The following ZMYM4 variants were observed in gnomAD, a reference collection of about 807,000 sequenced individuals.
ZMYM4 encodes the protein zinc finger MYM-type containing 4, also known as zinc finger MYM-type protein 4.
A neutral mutation model predicts 183.2 loss-of-function variants in ZMYM4; 31 were observed. The ratio of observed to expected loss-of-function variants is 0.17; its 90% CI spans 0.13 to 0.23. The LOEUF is 0.23. ZMYM4 is among the 10% of genes least tolerant of loss of function. ZMYM4 has a pLI of 1.00. For synonymous variants in ZMYM4, 592 were observed against 631.2 expected, an observed-to-expected ratio of 0.94 and a Z score of 0.93; for missense variants, 1,273 against 1,840.3, an observed-to-expected ratio of 0.69 and a Z score of 5.64.
chr1:35,282,100 T>A (rs1434870458), intron 1 of ZMYM4, among the ~76,000 whole-genome samples: 2 of 152,190 alleles, frequency 1.3e-5, no homozygotes, highest in Non-Finnish European at 2.9e-5. Flanking sequence ...GCTATAAACA[T>A]TGGTATGTAA....
intron 2 of ZMYM4, among the ~76,000 whole-genome samples, chr1:35,335,768 A>C (rs966488556): frequency 1.6e-4 from 25 of 152,070 alleles, no homozygotes; most frequent in African/African-American, 6.0e-4. Flanking sequence ...CCTAGCTAAC[A>C]CGGTGAAACT....
intron 1 of ZMYM4, among the ~76,000 whole-genome samples, chr1:35,316,463 C>T (rs1422301421): frequency 6.6e-6 from 1 of 152,204 alleles, no homozygotes; most frequent in Non-Finnish European, 1.5e-5. Context: ...AACTTCAGTG[C>T]TAGCTCTTGT....
Position 35,399,512 on chromosome 1 carries a change from G to C in ZMYM4, c.3464G>C (p.Gly1155Ala), listed in dbSNP as rs1468194609. 1 of 1,613,982 alleles carries C rather than the reference G, an allele frequency of 6.2e-7. No individual in the cohort carries two copies. The highest frequency in any genetic ancestry group is 1.1e-5 in the South Asian group (1 of 91,066). The stretch of plus-strand genomic sequence containing the variant: ...TTTGACCCACTTAATAAAGGACAGG[G>C]AATCCAGGCACGTTCCCGAACAAGA... The part of the protein sequence containing the change: ...DSFDPLNKGQ[G>A]IQARSRTRRR... The change falls in exon 23 of 30, where the codon GGA becomes GCA. Residue 1155 changes from glycine (G) to alanine (A), a missense_variant. Physicochemically the swap from Gly to Ala is moderately conservative, Grantham distance 60 (BLOSUM62 0). Coordinates refer to ENST00000314607, the MANE Select transcript of ZMYM4 (RefSeq NM_005095.3).
At chr1:35,331,928 G>T (rs1558017841) in intron 2 of ZMYM4, among the ~76,000 whole-genome samples, 1 of 150,924 alleles carries the variant, frequency 6.6e-6, no homozygotes, top group Non-Finnish European at 1.5e-5. Context: ...ATAAGAGGGT[G>T]GTAAAAGTAT....
At chr1:35,271,708 G>C (rs2148661829) in intron 1 of ZMYM4, among the ~76,000 whole-genome samples, 1 of 152,330 alleles carries the variant, frequency 6.6e-6, no homozygotes, top group South Asian at 2.1e-4. Flanking sequence ...TGGCCCAAAA[G>C]TTAATTTTAT....
At chr1:35,296,385 T>C (rs1388947618) in intron 1 of ZMYM4, among the ~76,000 whole-genome samples, 1 of 152,230 alleles carries the variant, frequency 6.6e-6, no homozygotes, top group Non-Finnish European at 1.5e-5. Context: ...AGCTAACATA[T>C]TCAATTCAGA....
At chr1:35,313,215 A>G (rs1242808753) in intron 1 of ZMYM4, among the ~76,000 whole-genome samples, 1 of 151,626 alleles carries the variant, frequency 6.6e-6, no homozygotes, top group Admixed American at 6.6e-5. Context: ...TTTTATTATT[A>G]TTAGGTACGG....
In ZMYM4 at chr1:35,389,210, T is replaced by C; in HGVS notation, c.2436+128T>C. 1.1e-6 allele frequency: 1 copy of C among 872,748 alleles called. No homozygotes were observed. The highest frequency in any genetic ancestry group is 1.7e-6 in the Non-Finnish European group (1 of 603,124). The allele number at this position is 872,748 out of a possible 1,614,324, so 54.1% of individuals were successfully genotyped here. On this transcript the variant is annotated intron_variant, in intron 14 of 29. Coordinates refer to ENST00000314607, the MANE Select transcript of ZMYM4 (RefSeq NM_005095.3). The surrounding 1 kb of genome is among the most constrained non-coding windows in gnomAD (Gnocchi z 4.0). ...TAAGTATTAAATGTTTTATGCCTTCTAGCAATTAATATAAGATTTAGAAAG... is the reference window on the plus strand; with the variant it reads ...TAAGTATTAAATGTTTTATGCCTTCCAGCAATTAATATAAGATTTAGAAAG...
chr1:35,309,373 A>C (rs1641689793), intron 1 of ZMYM4, among the ~76,000 whole-genome samples: 1 of 152,216 alleles, frequency 6.6e-6, no homozygotes, highest in Non-Finnish European at 1.5e-5. Context: ...TTGTCCTTTA[A>C]ATTGTGCTGG....
intron 3 of ZMYM4, among the ~76,000 whole-genome samples, chr1:35,360,810 TAG>T (rs1643918617): frequency 6.6e-6 from 1 of 152,012 alleles, no homozygotes; most frequent in African/African-American, 2.4e-5. Flanking sequence ...GAAGGTTTTA[TAG>T]AGGAGAGGTG....
intron 2 of ZMYM4, among the ~76,000 whole-genome samples, chr1:35,341,357 T>G (rs1156328533): frequency 6.6e-6 from 1 of 152,142 alleles, no homozygotes; most frequent in Non-Finnish European, 1.5e-5. Context: ...TTTTATTATG[T>G]ATTTGTTCTT....
intron 2 of ZMYM4, among the ~76,000 whole-genome samples, chr1:35,327,223 C>T (rs1259389437): frequency 6.6e-6 from 1 of 152,178 alleles, no homozygotes; most frequent in Non-Finnish European, 1.5e-5. Context: ...AGAGGACCTG[C>T]TGTACTATAA....
chr1:35,380,277 C>T (rs1377191463), intron 7 of ZMYM4, among the ~76,000 whole-genome samples: 2 of 151,796 alleles, frequency 1.3e-5, no homozygotes, highest in African/African-American at 4.8e-5. Flanking sequence ...AAAATTTCAC[C>T]AGTTTGAAAA....
At chr1:35,341,118 ATATT>A (rs1401195928) in intron 2 of ZMYM4, among the ~76,000 whole-genome samples, 3 of 151,400 alleles carry the variant, frequency 2.0e-5, no homozygotes, top group African/African-American at 4.9e-5. Context: ...TATTATTTGT[ATATT>A]TATTTGAAGG....
chr1:35,303,112 A>T (rs921468832), intron 1 of ZMYM4, among the ~76,000 whole-genome samples: 2 of 151,310 alleles, frequency 1.3e-5, no homozygotes, highest in Admixed American at 1.3e-4. Flanking sequence ...AAAAAAACAA[A>T]AAAACCTTGT....
chr1:35,359,709 C>A (rs1643895821), intron 3 of ZMYM4, among the ~76,000 whole-genome samples: 1 of 152,078 alleles, frequency 6.6e-6, no homozygotes, highest in Admixed American at 6.6e-5. Flanking sequence ...AGGCAAGATA[C>A]TTGAATCACC....
chr1:35,361,023 A>G (rs1643925270), intron 3 of ZMYM4, among the ~76,000 whole-genome samples, 171 bp from the exon 4 acceptor site: 1 of 151,786 alleles, frequency 6.6e-6, no homozygotes, highest in Admixed American at 6.6e-5. Context: ...CAGATTGTGC[A>G]GAACTTTGAG....
Position 35,325,347 on chromosome 1 carries a change from T to C in ZMYM4, c.40-13T>C. 3 of 1,601,856 alleles carry C rather than the reference T, an allele frequency of 1.9e-6. No homozygotes were observed. Among genetic ancestry groups the C allele is most frequent in the Non-Finnish European group, 2.6e-6 (3 of 1,173,134 alleles). On this transcript the variant is annotated splice_polypyrimidine_tract_variant and intron_variant, in intron 1 of 29. Transcript: ENST00000314607. Reference sequence around the variant, plus strand: ...TGATGGTAATGTTACTTTTTCCTTTTTTGCTTTTCCAGTTTGAACAAAAAA... The same window carrying C: ...TGATGGTAATGTTACTTTTTCCTTTCTTGCTTTTCCAGTTTGAACAAAAAA...
rs773460675 is a variant in ZMYM4, at chr1:35,370,579, C to T, written c.1133C>T (p.Ala378Val). ...LCLTGYTVPP[A>V]RPPPPLTKKT... ...CTCACTGGATATACAGTTCCACCTG[C>T]CCGCCCACCGCCTCCTCTCACCAAG... The change falls in exon 7 of 30, where the codon GCC (alanine) becomes GTC (valine). Residue 378 changes from alanine to valine, a missense_variant. This residue lies in a region of ZMYM4 where 384 missense variants were observed against 465.6 expected (regional missense o/e 0.82). Transcript: ENST00000314607. 1.9e-6 allele frequency: 3 copies of T among 1,612,362 alleles called. No homozygotes were observed. Among genetic ancestry groups the T allele is most frequent in the African/African-American group, 1.3e-5 (1 of 74,938 alleles).
Sources: gnomAD v4.1 joint callset for allele counts (sites outside exome capture counted in the v4.1 genomes callset) on GRCh38, gnomAD v4.1.1 for gene constraint, gnomAD v4.1.1 regional missense constraint, Gnocchi (gnomAD v3.1) non-coding constraint, MANE v1.5 for transcripts, NCBI Gene and HGNC (gene_info 2026-07-23, HGNC 2026-07-21) for gene names.